DDX60L: variants seen among roughly 807,000 people sequenced by gnomAD.
DDX60L encodes DExD/H-box 60 like, also known as probable ATP-dependent RNA helicase DDX60-like.
DDX60L carries 191 observed loss-of-function variants against 211.6 expected under a neutral mutation model. The ratio of observed to expected loss-of-function variants is 0.90; its 90% CI spans 0.80 to 1.02. The LOEUF (loss-of-function observed/expected upper bound fraction) is 1.02, where lower values mean the gene tolerates loss of function less well. Among genes scored for constraint, DDX60L ranks in the 50% least tolerant of loss-of-function variants. DDX60L has a pLI of 0.00. For synonymous variants in DDX60L, 706 were observed against 694.1 expected, an observed-to-expected ratio of 1.02 and a Z score of -0.27; for missense variants, 2,007 against 1,984.1, an observed-to-expected ratio of 1.01 and a Z score of -0.22.
At chr4:168,458,095 C>T (rs966948443) in intron 5 of DDX60L, 87 bp from the exon 6 acceptor site, 9 of 729,040 alleles carry the variant, frequency 1.2e-5, no homozygotes, top group African/African-American at 1.1e-4. Context: ...AAATCAAAAC[C>T]ACAATGAGAT....
At chr4:168,448,530 CAA>C in intron 9 of DDX60L, 106 bp downstream of exon 9, 1 of 793,978 alleles carries the variant, frequency 1.3e-6, no homozygotes, top group Non-Finnish European at 2.0e-6. Context: ...TGTACACACA[CAA>C]AGGTTTTCAA....
rs78259973 is a variant in DDX60L at position 168,422,034 on chromosome 4, A to T, written c.2245-125T>A. ...ATGCTACCTTTGGGGGAACTCCCTGAACCCCTGAAGATTAGGTCTGGTGAA... is the reference window on the plus strand; with the variant it reads ...ATGCTACCTTTGGGGGAACTCCCTGTACCCCTGAAGATTAGGTCTGGTGAA... On this transcript the variant is annotated intron_variant, in intron 16 of 37. Transcript: ENST00000682922. 7.6e-4 allele frequency: 919 copies of T among 1,207,466 alleles called. 15 individuals are homozygous for T. The East Asian group carries it at 0.021, about 28-fold the overall frequency. The allele number at this position is 1,207,466 out of a possible 1,614,324, so 74.8% of individuals were successfully genotyped here. A position where few individuals can be genotyped will look rare whatever the true frequency, so the allele number is the denominator to read the frequency against.
chr4:168,467,922 T>G (rs1449486174), intron 4 of DDX60L, among the ~76,000 whole-genome samples: 1 of 152,064 alleles, frequency 6.6e-6, no homozygotes, highest in Admixed American at 6.6e-5. Context: ...ATCTCAGCAC[T>G]TTGGGAGGCT....
In DDX60L at chr4:168,415,434, G is replaced by A; in HGVS notation, c.2953C>T (p.Pro985Ser). ...ATATCTGTCGTTAGCGCAGCACAGG[G>A]ATGAAAATGATCAAAATAAACATCA... The part of the protein sequence containing the change: ...HDDVYFDHFH[P>S]CAALTTDIIE... The change falls in exon 22 of 38, where the codon CCC becomes TCC. Residue 985 changes from proline to serine, a missense_variant. By Grantham distance (74) the Pro-to-Ser change is moderately conservative. Transcript: ENST00000682922. 1 of 1,606,226 alleles carries A rather than the reference G, an allele frequency of 6.2e-7. No homozygotes were observed. The highest frequency in any genetic ancestry group is 8.5e-7 in the Non-Finnish European group (1 of 1,175,774).
Position 168,443,308 on chromosome 4 carries a change from G to A in DDX60L, c.1139-1816C>T, listed in dbSNP as rs943923898. 7.2e-3 allele frequency among the ~76,000 whole-genome samples: 1,101 copies of A among 152,102 alleles called. 7 individuals are homozygous for A. The highest frequency in any genetic ancestry group is 0.012 in the African/African-American group (507 of 41,482). On this transcript the variant is annotated intron_variant, in intron 9 of 37. Transcript: ENST00000682922. ...GAAGATGAAATGAATGAAATGAAGC[G>A]AGAAGGGAAGTTTAGAGAAAAAAGA...
In DDX60L at chr4:168,373,798, A is replaced by AC; in HGVS notation, c.4643dup (p.Lys1549Ter). The AC allele has an allele frequency of 6.2e-7, 1 of 1,613,518 alleles. No individual in the cohort carries two copies. Among genetic ancestry groups the AC allele is most frequent in the Non-Finnish European group, 8.5e-7 (1 of 1,179,712 alleles). The stretch of plus-strand genomic sequence containing the variant: ...CGAGTTGGGAGTCTTCACATTCTTT[A>AC]CCTGTGAATTCTGACCATTTTGGAC... On this transcript the variant is annotated frameshift_variant, in exon 35 of 38. Coordinates refer to ENST00000682922, the MANE Select transcript of DDX60L (RefSeq NM_001012967.3). LOFTEE classifies it high-confidence loss of function.
intron 26 of DDX60L, among the ~76,000 whole-genome samples, chr4:168,397,646 C>T (rs6820310): frequency 0.92 from 139,644 of 152,252 alleles, 65,176 homozygotes; most frequent in East Asian, 1. Flanking sequence ...CATTAACAAC[C>T]CTACCAAGCC....
intron 14 of DDX60L, among the ~76,000 whole-genome samples, chr4:168,424,295 A>T (rs1751126313): frequency 6.6e-6 from 1 of 152,212 alleles, no homozygotes; most frequent in African/African-American, 2.4e-5. Context: ...ACCTCACTGC[A>T]TCCCAATCAT....
intron 17 of DDX60L, among the ~76,000 whole-genome samples, chr4:168,421,179 A>G (rs1579529473): frequency 6.6e-6 from 1 of 152,184 alleles, no homozygotes; most frequent in South Asian, 2.1e-4. Flanking sequence ...AAAATAAAAA[A>G]GGAAAGGGGA....
intron 37 of DDX60L, among the ~76,000 whole-genome samples, chr4:168,359,845 T>C (rs1393875364): frequency 6.6e-6 from 1 of 152,196 alleles, no homozygotes; most frequent in Non-Finnish European, 1.5e-5. Flanking sequence ...CCACATTCTG[T>C]ACTCCACCAT....
At chr4:168,392,688 A>T (rs1745052875) in intron 28 of DDX60L, among the ~76,000 whole-genome samples, 1 of 152,128 alleles carries the variant, frequency 6.6e-6, no homozygotes, top group South Asian at 2.1e-4. Context: ...TATTAAAAAT[A>T]CAAAATTAGC....
At chr4:168,397,344 G>A (rs889070147) in intron 26 of DDX60L, among the ~76,000 whole-genome samples, 1 of 152,158 alleles carries the variant, frequency 6.6e-6, no homozygotes. Flanking sequence ...CACAGTTCTG[G>A]TAAGGGAACT....
chr4:168,432,551 A>G lies in DDX60L; in HGVS notation c.1420T>C (p.Ser474Pro). The G allele has an allele frequency of 6.3e-7, 1 of 1,582,106 alleles. No individual in the cohort carries two copies. The highest frequency in any genetic ancestry group is 8.6e-7 in the Non-Finnish European group (1 of 1,161,632). The change falls in exon 12 of 38, where the codon TCA becomes CCA. Residue 474 changes from serine (S) to proline (P), a missense_variant. Ser to Pro is a moderately conservative substitution (Grantham distance 74, BLOSUM62 -1). Transcript: ENST00000682922. ...TCAGATGTCTTTTGTTTAAACAGTG[A>G]AGGAACAACCGGATCATCACTGTAA... ...ILKSDDPVVPSLFKQKTSDEL... is the reference protein window; with the variant it reads ...ILKSDDPVVPPLFKQKTSDEL...
At chr4:168,456,244 C>T (rs529949197) in intron 6 of DDX60L, 92 bp from the exon 7 acceptor site, 16 of 668,146 alleles carry the variant, frequency 2.4e-5, no homozygotes, top group Admixed American at 8.4e-5. Flanking sequence ...ATAAAGAAAA[C>T]GATTGTATAG....
chr4:168,419,448 T>C (rs1441386858), intron 18 of DDX60L, 51 bp from the exon 19 acceptor site: 4 of 1,369,482 alleles, frequency 2.9e-6, no homozygotes, highest in South Asian at 2.7e-5. Context: ...ATTAATTTTA[T>C]ATCAGGCATA....
intron 8 of DDX60L, among the ~76,000 whole-genome samples, chr4:168,451,690 A>C (rs1484841791): frequency 6.6e-6 from 1 of 152,158 alleles, no homozygotes; most frequent in Non-Finnish European, 1.5e-5. Context: ...TCAGCTTGAA[A>C]TCCTTCAATC....
chr4:168,411,388 ATGCAGAGAGAGTCTG>A (rs905387373), intron 22 of DDX60L, among the ~76,000 whole-genome samples: 11 of 152,208 alleles, frequency 7.2e-5, no homozygotes, highest in Non-Finnish European at 2.9e-5. Flanking sequence ...GCCACATGGC[ATGCAGAGAGAGTCTG>A]TGCACTTGGA....
intron 4 of DDX60L, among the ~76,000 whole-genome samples, chr4:168,463,407 G>A (rs1757575363): frequency 6.6e-6 from 1 of 152,154 alleles, no homozygotes; most frequent in African/African-American, 2.4e-5. Flanking sequence ...ACACATACAG[G>A]AAAACAACAG....
At chr4:168,427,436 G>T in intron 13 of DDX60L, 114 bp from the exon 14 acceptor site, 1 of 1,150,248 alleles carries the variant, frequency 8.7e-7, no homozygotes, top group Non-Finnish European at 1.2e-6. Context: ...CATTCTACTC[G>T]TGCACAGGCA....
Sources: allele counts gnomAD v4.1 joint callset (sites outside exome capture counted in the v4.1 genomes callset), GRCh38; gene constraint gnomAD v4.1.1; transcripts MANE v1.5; gene names NCBI Gene and HGNC (gene_info 2026-07-23, HGNC 2026-07-21).